ANKRD10: variants seen among roughly 807,000 people sequenced by gnomAD.
ANKRD10 encodes the protein ankyrin repeat domain-containing protein 10.
A neutral mutation model predicts 27.0 loss-of-function variants in ANKRD10; 14 were observed. The ratio of observed to expected loss-of-function variants is 0.52; its 90% confidence interval spans 0.34 to 0.81. The LOEUF is 0.81. Among genes scored for constraint, ANKRD10 ranks in the 40% least tolerant of loss-of-function variants. The pLI is 0.01. For synonymous variants in ANKRD10, 250 were observed against 224.5 expected (o/e 1.11, Z -1.01); for missense variants, 493 against 544.0 (o/e 0.91, Z 0.93).
rs71127979 is a variant in ANKRD10, at chr13:110,892,416, C to CAA, written c.691+610_691+611dup. ...TTGCACTCCAGCCTGGGTGACAGAG[C>CAA]AAAAAAAAAAAAAAAAAAAATGGTG... On this transcript the variant is annotated intron_variant, in intron 4 of 5. Transcript: ENST00000267339. 6.2e-3 allele frequency among the ~76,000 whole-genome samples: 122 copies of CAA among 19,548 alleles called. 18 individuals are homozygous for CAA. The highest frequency in any genetic ancestry group is 0.013 in the Admixed American group (13 of 968). 12.8% of individuals were successfully genotyped at this position (19,548 alleles called of 152,430 possible).
chr13:110,892,011 C>A (rs969113664), intron 4 of ANKRD10, among the ~76,000 whole-genome samples: 16 of 150,878 alleles, frequency 1.1e-4, no homozygotes, highest in African/African-American at 3.9e-4. Context: ...TGACAACTGG[C>A]CTAAGACATC....
chr13:110,911,383 C>T (rs961003259), intron 1 of ANKRD10, among the ~76,000 whole-genome samples: 3 of 151,944 alleles, frequency 2.0e-5, no homozygotes, highest in East Asian at 1.9e-4. Flanking sequence ...ACCCAGAAGG[C>T]GGAGGTTGCA....
At chr13:110,891,997 G>T (rs901857383) in intron 4 of ANKRD10, among the ~76,000 whole-genome samples, 7 of 150,212 alleles carry the variant, frequency 4.7e-5, no homozygotes, top group Admixed American at 1.3e-4. Context: ...ACAGGTATGA[G>T]CCATGACAAC....
chr13:110,905,921 T>A (rs1298141760), intron 3 of ANKRD10, 112 bp downstream of exon 3: 2 of 981,368 alleles, frequency 2.0e-6, no homozygotes. Flanking sequence ...CAAAATTACA[T>A]TACTAATTTT....
chr13:110,898,750 C>CTT (rs56176208), intron 3 of ANKRD10, among the ~76,000 whole-genome samples: 162 of 106,514 alleles, frequency 1.5e-3, no homozygotes, highest in East Asian at 2.3e-3. Flanking sequence ...TTTTTCTTTT[C>CTT]TTTTTTTTTT....
At chr13:110,894,026 A>C in intron 3 of ANKRD10, 1 of 1,011,826 alleles carries the variant, frequency 9.9e-7, no homozygotes, top group Admixed American at 1.8e-5. Flanking sequence ...CCTCTACAGT[A>C]GCTAAAACTC....
chr13:110,888,035 T>C (rs1008267089), intron 4 of ANKRD10, among the ~76,000 whole-genome samples: 2 of 152,168 alleles, frequency 1.3e-5, no homozygotes, highest in African/African-American at 2.4e-5. Context: ...CCAAATTGTT[T>C]TTCTATTATG....
At chr13:110,908,623 A>ATGAGAAATG (rs1566492948) in intron 2 of ANKRD10, among the ~76,000 whole-genome samples, 1 of 152,216 alleles carries the variant, frequency 6.6e-6, no homozygotes, top group African/African-American at 2.4e-5. Flanking sequence ...CTGAGTTTAT[A>ATGAGAAATG]TGAGAAATGA....
At chr13:110,894,518 G>A (rs958078755) in intron 3 of ANKRD10, 3 of 181,130 alleles carry the variant, frequency 1.7e-5, no homozygotes, top group Non-Finnish European at 3.4e-5. Flanking sequence ...TTCGTTATTT[G>A]CAGACATCAT....
rs2065585148 is a variant in ANKRD10, at chr13:110,907,990, A to G, written c.364-1866T>C. Among the ~76,000 whole-genome samples, 7 of 152,216 alleles carry G rather than the reference A, an allele frequency of 4.6e-5. No homozygotes were observed. In the South Asian group the frequency reaches 1.4e-3, roughly 32 times the overall value. ...AAAAAGCAAAACTACCAAGCTCTGCAGGGACAATCTTTAGGGGCAGAGCAA... is the reference window on the plus strand; with the variant it reads ...AAAAAGCAAAACTACCAAGCTCTGCGGGGACAATCTTTAGGGGCAGAGCAA... On this transcript the variant is annotated intron_variant, in intron 2 of 5. Transcript: ENST00000267339.
Position 110,914,764 on chromosome 13 carries a change from A to G in ANKRD10, c.171T>C (p.Tyr57=). Residue 57 remains tyrosine, a synonymous_variant, in exon 1 of 6, where the codon TAT becomes TAC. Coordinates refer to ENST00000267339, the MANE Select transcript of ANKRD10 (RefSeq NM_017664.4). The part of the protein sequence containing the change: ...HAHLASEDSF[Y]GWTPVHWAAH... ...CGGCCCAGTGCACGGGCGTCCAGCC[A>G]TAGAAGGAGTCCTCAGAGGCCAGGT... 6.3e-7 allele frequency: 1 copy of G among 1,598,790 alleles called. No individual in the cohort carries two copies. Among genetic ancestry groups the G allele is most frequent in the Admixed American group, 1.7e-5 (1 of 58,462 alleles).
chr13:110,892,918 T>C, intron 4 of ANKRD10, 110 bp downstream of exon 4: 1 of 1,489,040 alleles, frequency 6.7e-7, no homozygotes, highest in Non-Finnish European at 8.9e-7. Flanking sequence ...CCAGGCGCAT[T>C]ACCACCTGAA....
In ANKRD10 at chr13:110,892,416, CAA is replaced by C. The variant is rs71127979; in HGVS notation, c.691+610_691+611del. The stretch of plus-strand genomic sequence containing the variant: ...TTGCACTCCAGCCTGGGTGACAGAG[CAA>C]AAAAAAAAAAAAAAAAAATGGTGGG... On this transcript the variant is annotated intron_variant, in intron 4 of 5. Transcript: ENST00000267339. Among the ~76,000 whole-genome samples, 28 of 19,554 alleles carry C rather than the reference CAA, an allele frequency of 1.4e-3. 1 individual carries two copies. In the East Asian group the frequency reaches 0.025, roughly 17 times the overall value. The allele number at this position is 19,554 out of a possible 152,430, so 12.8% of individuals were successfully genotyped here.
At position 110,910,820 on chromosome 13, in the gene ANKRD10, A is replaced by C. The variant is rs769504011; in HGVS notation, c.211-50T>G. On this transcript the variant is annotated intron_variant, in intron 1 of 5. Transcript: ENST00000267339. ...AAACACGCAGACATGTCAGTACACT[A>C]TTCAATATTACATGAATAATCGAAA... The C allele has an allele frequency of 2.0e-5, 31 of 1,537,028 alleles. No individual in the cohort carries two copies. The Admixed American group carries it at 6.5e-4, about 32-fold the overall frequency.
At chr13:110,914,651 G>T (rs904301346) in intron 1 of ANKRD10, 74 bp downstream of exon 1, 359 of 1,478,928 alleles carry the variant, frequency 2.4e-4, no homozygotes, top group Non-Finnish European at 2.8e-4. Flanking sequence ...CACGTCCCCC[G>T]CACCTCAGAC....
At chr13:110,892,745 A>T (rs1024730947) in intron 4 of ANKRD10, 4 of 1,103,944 alleles carry the variant, frequency 3.6e-6, no homozygotes, top group Admixed American at 9.3e-5. Context: ...CAGATACAAC[A>T]AATTAAAAAA....
intron 3 of ANKRD10, among the ~76,000 whole-genome samples, chr13:110,905,517 C>G (rs1408356471): frequency 2.6e-5 from 4 of 152,200 alleles, no homozygotes; most frequent in African/African-American, 9.6e-5. Context: ...TTACAAGGAA[C>G]TATCAACCAT....
At chr13:110,909,211 C>T (rs1566493924) in intron 2 of ANKRD10, among the ~76,000 whole-genome samples, 2 of 152,164 alleles carry the variant, frequency 1.3e-5, no homozygotes, top group East Asian at 3.8e-4. Context: ...AATTAACCTA[C>T]AAAAATGATA....
At chr13:110,893,638 A>G (rs902405703) in intron 3 of ANKRD10, among the ~76,000 whole-genome samples, 6 of 152,362 alleles carry the variant, frequency 3.9e-5, no homozygotes, top group Middle Eastern at 3.4e-3. Context: ...GAATAAAATC[A>G]TAACAAACAA....
Sources: gnomAD v4.1 joint callset for allele counts (sites outside exome capture counted in the v4.1 genomes callset) on GRCh38, gnomAD v4.1.1 for gene constraint, MANE v1.5 for transcripts, NCBI Gene and HGNC (gene_info 2026-07-23, HGNC 2026-07-21) for gene names.